The following RPS6KC1 variants were observed in gnomAD, a reference collection of about 807,000 sequenced individuals.
The protein encoded by RPS6KC1 is inactive ribosomal protein S6 kinase delta-1.
RPS6KC1 carries 54 observed loss-of-function variants against 103.8 expected under a neutral mutation model. The ratio of observed to expected loss-of-function variants is 0.52; its 90% confidence interval spans 0.42 to 0.65. RPS6KC1 has a LOEUF of 0.65. Ranked by LOEUF, RPS6KC1 falls within the 30% of genes least tolerant of loss-of-function variation. The probability of loss-of-function intolerance (pLI) is 0.00; values close to 1 mark genes in which losing one functional copy is unlikely to be tolerated. For synonymous variants in RPS6KC1, 439 were observed against 438.7 expected (o/e 1.00, Z -0.01); for missense variants, 1,151 against 1,253.8 (o/e 0.92, Z 1.24).
the RPS6KC1 span, chr1:213,840,828 G>A: frequency 1.3e-5 from 2 of 152,292 alleles, no homozygotes; most frequent in Middle Eastern, 3.4e-3. Flanking sequence ...ACAAACTTGA[G>A]CCTGTGGAAG....
At chr1:213,066,716 A>G (rs2078362312) in intron 1 of RPS6KC1, among the ~76,000 whole-genome samples, 2 of 152,224 alleles carry the variant, frequency 1.3e-5, no homozygotes, top group Non-Finnish European at 2.9e-5. Flanking sequence ...TTTATATAGC[A>G]GGGAGAAAAT....
chr1:213,240,059 C>T (rs1442542469), intron 10 of RPS6KC1, among the ~76,000 whole-genome samples: 1 of 152,074 alleles, frequency 6.6e-6, no homozygotes, highest in African/African-American at 2.4e-5. Context: ...GTCGGAATTT[C>T]CGTAGCTTGC....
intron 11 of RPS6KC1, 77 bp downstream of exon 11, chr1:213,242,374 A>G: frequency 6.7e-7 from 1 of 1,497,264 alleles, no homozygotes; most frequent in Non-Finnish European, 9.2e-7. Context: ...TTATCTTGTA[A>G]TTAGTATCTT....
intron 10 of RPS6KC1, among the ~76,000 whole-genome samples, chr1:213,239,021 T>A (rs1573525026): frequency 6.6e-6 from 1 of 152,304 alleles, no homozygotes; most frequent in African/African-American, 2.4e-5. Flanking sequence ...GAATATAGAC[T>A]CAATGCATAG....
At chr1:213,136,463 A>G (rs1311310111) in intron 6 of RPS6KC1, among the ~76,000 whole-genome samples, 1 of 151,262 alleles carries the variant, frequency 6.6e-6, no homozygotes, top group Non-Finnish European at 1.5e-5. Flanking sequence ...TTAGGCAGAA[A>G]CAAAAAAAAA....
chr1:213,708,330 G>A, the RPS6KC1 span, among the ~76,000 whole-genome samples: 2 of 152,034 alleles, frequency 1.3e-5, no homozygotes, highest in Non-Finnish European at 2.9e-5. Flanking sequence ...TCATGAGTTG[G>A]CTCTCTCTTT....
At chr1:213,517,921 G>C in the RPS6KC1 span, among the ~76,000 whole-genome samples, 3 of 152,100 alleles carry the variant, frequency 2.0e-5, no homozygotes, top group East Asian at 5.8e-4. Context: ...TCCTGTATTG[G>C]GTGCATATAT....
At chr1:213,386,518 C>G in the RPS6KC1 span, among the ~76,000 whole-genome samples, 1 of 152,128 alleles carries the variant, frequency 6.6e-6, no homozygotes, top group Non-Finnish European at 1.5e-5. Context: ...CTGTTTGTAT[C>G]GCAGTGGGGC....
chr1:213,311,611 G>C, the RPS6KC1 span, among the ~76,000 whole-genome samples: 1 of 152,108 alleles, frequency 6.6e-6, no homozygotes, highest in Non-Finnish European at 1.5e-5. Flanking sequence ...GATTTCTTTG[G>C]TGTCTACATG....
the RPS6KC1 span, among the ~76,000 whole-genome samples, chr1:213,331,078 G>T: frequency 6.6e-6 from 1 of 152,222 alleles, no homozygotes; most frequent in Non-Finnish European, 1.5e-5. Context: ...TAAACATTTA[G>T]CCATTGCATT....
At chr1:213,370,206 A>G in the RPS6KC1 span, among the ~76,000 whole-genome samples, 2 of 150,958 alleles carry the variant, frequency 1.3e-5, no homozygotes, top group Admixed American at 1.3e-4. Flanking sequence ...TGCTTGTACT[A>G]AGACAGTTTG....
chr1:213,389,676 C>G, the RPS6KC1 span, among the ~76,000 whole-genome samples: 2 of 152,168 alleles, frequency 1.3e-5, no homozygotes, highest in South Asian at 4.1e-4. Context: ...TGGCTCCCTT[C>G]CCTTTCTTTT....
At chr1:213,120,548 G>A (rs1339261213) in intron 5 of RPS6KC1, among the ~76,000 whole-genome samples, 1 of 152,126 alleles carries the variant, frequency 6.6e-6, no homozygotes, top group Non-Finnish European at 1.5e-5. Flanking sequence ...CCAGCAGCCA[G>A]CCAAGCCCCA....
At chr1:213,560,346 C>A in the RPS6KC1 span, among the ~76,000 whole-genome samples, 2 of 152,054 alleles carry the variant, frequency 1.3e-5, no homozygotes, top group Admixed American at 1.3e-4. Flanking sequence ...TAAAATATGG[C>A]AGAGATTTGG....
chr1:213,343,817 T>A, the RPS6KC1 span, among the ~76,000 whole-genome samples: 3 of 151,706 alleles, frequency 2.0e-5, no homozygotes, highest in Admixed American at 6.6e-5. Flanking sequence ...ATAAAAAAAA[T>A]AAAAAAGTTT....
chr1:213,321,643 A>T, the RPS6KC1 span, among the ~76,000 whole-genome samples: 1 of 152,210 alleles, frequency 6.6e-6, no homozygotes. Flanking sequence ...AATAGACAAA[A>T]ATCCTGGTCC....
chr1:213,550,257 A>G, the RPS6KC1 span, among the ~76,000 whole-genome samples: 1 of 152,324 alleles, frequency 6.6e-6, no homozygotes, highest in South Asian at 2.1e-4. Context: ...GGGAAGAAAC[A>G]CTGCATCTAT....
At position 213,117,402 on chromosome 1, in the gene RPS6KC1, G is replaced by A. The variant is rs2148893389; in HGVS notation, c.464G>A (p.Ser155Asn). ...DSLIDTFPEC[S>N]TEGFSSDSDL... ...CTCATTGATACCTTTCCTGAGTGTAGTACGGAAGGTAAGAGATTTTAATTT... is the reference window on the plus strand; with the variant it reads ...CTCATTGATACCTTTCCTGAGTGTAATACGGAAGGTAAGAGATTTTAATTT... The change falls in exon 5 of 15, where the codon AGT becomes AAT. Residue 155 changes from serine to asparagine, a missense_variant. Physicochemically the swap from Ser to Asn is conservative, Grantham distance 46. This residue lies in a region of RPS6KC1 where 959 missense variants were observed against 1,006.3 expected (regional missense o/e 0.95). Coordinates refer to ENST00000366960, the MANE Select transcript of RPS6KC1 (RefSeq NM_012424.6). 2 of 1,590,846 alleles carry A rather than the reference G, an allele frequency of 1.3e-6. No individual in the cohort carries two copies. The highest frequency in any genetic ancestry group is 2.2e-5 in the South Asian group (2 of 89,322).
chr1:213,213,890 C>T (rs61832463), intron 8 of RPS6KC1, among the ~76,000 whole-genome samples: 5,069 of 152,268 alleles, frequency 0.033, 111 homozygotes, highest in Middle Eastern at 0.054. Flanking sequence ...AACCATCATA[C>T]TGGGGCAGTT....
Sources: gnomAD v4.1 joint callset for allele counts (sites outside exome capture counted in the v4.1 genomes callset) on GRCh38, gnomAD v4.1.1 for gene constraint, gnomAD v4.1.1 regional missense constraint, MANE v1.5 for transcripts, NCBI Gene and HGNC (gene_info 2026-07-23, HGNC 2026-07-21) for gene names.